ENTREP2: variants seen among roughly 807,000 people sequenced by gnomAD.
ENTREP2 encodes endosomal transmembrane epsin interactor 2, also known as protein ENTREP2.
At chr15:29,550,932 A>G in the ENTREP2 span, among the ~76,000 whole-genome samples, 19 of 152,312 alleles carry the variant, frequency 1.2e-4, no homozygotes, top group Admixed American at 9.2e-4. Context: ...GCCCACAGTC[A>G]CACAGCAAAT....
At chr15:29,472,824 A>C in the ENTREP2 span, among the ~76,000 whole-genome samples, 15 of 152,362 alleles carry the variant, frequency 9.8e-5, no homozygotes, top group Admixed American at 3.3e-4. Flanking sequence ...TGTGATATAA[A>C]TACAAGAATC....
chr15:29,217,038 G>T, the ENTREP2 span, among the ~76,000 whole-genome samples: 450 of 152,286 alleles, frequency 3.0e-3, 2 homozygotes, highest in Admixed American at 0.011. Context: ...CAATTTTACA[G>T]AAGTAAAGTA....
At chr15:29,395,663 G>A in the ENTREP2 span, among the ~76,000 whole-genome samples, 1 of 151,536 alleles carries the variant, frequency 6.6e-6, no homozygotes, top group African/African-American at 2.4e-5. Flanking sequence ...GAGTAGTTGG[G>A]ACTACAGGTG....
At chr15:29,517,333 T>A in the ENTREP2 span, among the ~76,000 whole-genome samples, 1 of 152,110 alleles carries the variant, frequency 6.6e-6, no homozygotes, top group African/African-American at 2.4e-5. Flanking sequence ...CTATTACTTC[T>A]ATCTTAGACG....
chr15:29,618,877 G>A, the ENTREP2 span, among the ~76,000 whole-genome samples: 18 of 152,274 alleles, frequency 1.2e-4, no homozygotes, highest in African/African-American at 4.1e-4. Flanking sequence ...TGGTGAGAAA[G>A]CACAGAAGAC....
the ENTREP2 span, among the ~76,000 whole-genome samples, chr15:29,334,487 C>A: frequency 9.8e-4 from 149 of 152,206 alleles, no homozygotes; most frequent in African/African-American, 3.3e-3. Flanking sequence ...TTTCATAGTT[C>A]GAGGATTCTA....
chr15:29,191,862 C>T, the ENTREP2 span, among the ~76,000 whole-genome samples: 887 of 152,244 alleles, frequency 5.8e-3, 12 homozygotes, highest in African/African-American at 0.02. Context: ...TGCAGTGAGC[C>T]GTGATCACGC....
At chr15:29,163,308 G>C in the ENTREP2 span, among the ~76,000 whole-genome samples, 1,291 of 152,166 alleles carry the variant, frequency 8.5e-3, 10 homozygotes, top group Non-Finnish European at 0.014. Flanking sequence ...TCCAACCCAA[G>C]AAGAAATCCC....
chr15:29,209,460 C>A, the ENTREP2 span, among the ~76,000 whole-genome samples: 2 of 152,112 alleles, frequency 1.3e-5, no homozygotes, highest in East Asian at 3.9e-4. Flanking sequence ...CGGTATCACC[C>A]CACTGCACTC....
At chr15:29,601,736 A>G in the ENTREP2 span, among the ~76,000 whole-genome samples, 4 of 151,882 alleles carry the variant, frequency 2.6e-5, no homozygotes, top group African/African-American at 9.7e-5. Flanking sequence ...TGACCTTCTA[A>G]TTATCTGTTT....
the ENTREP2 span, among the ~76,000 whole-genome samples, chr15:29,413,391 G>A: frequency 6.6e-6 from 1 of 152,014 alleles, no homozygotes; most frequent in African/African-American, 2.4e-5. Context: ...CCATTTTTAT[G>A]TGTTTTTTCT....
the ENTREP2 span, among the ~76,000 whole-genome samples, chr15:29,217,758 G>C: frequency 6.6e-6 from 1 of 152,158 alleles, no homozygotes; most frequent in South Asian, 2.1e-4. Context: ...TTTTCAGGTA[G>C]ATCAGGGACT....
At chr15:29,238,891 A>C in the ENTREP2 span, among the ~76,000 whole-genome samples, 1 of 152,144 alleles carries the variant, frequency 6.6e-6, no homozygotes, top group Non-Finnish European at 1.5e-5. Context: ...ACCATGAGAA[A>C]CCACCCCATG....
chr15:29,644,426 T>TC, the ENTREP2 span, among the ~76,000 whole-genome samples: 1 of 152,178 alleles, frequency 6.6e-6, no homozygotes, highest in Admixed American at 6.6e-5. Context: ...AAATGATATC[T>TC]CAATAAAGCC....
At chr15:29,559,997 G>C in the ENTREP2 span, among the ~76,000 whole-genome samples, 2,143 of 152,308 alleles carry the variant, frequency 0.014, 42 homozygotes, top group African/African-American at 0.049. Context: ...AACTGAATAT[G>C]ACATTTCACA....
At chr15:29,329,313 C>G in the ENTREP2 span, among the ~76,000 whole-genome samples, 1 of 150,398 alleles carries the variant, frequency 6.6e-6, no homozygotes, top group African/African-American at 2.5e-5. Flanking sequence ...CAGTGAGCTG[C>G]GATCGCACCA....
the ENTREP2 span, among the ~76,000 whole-genome samples, chr15:29,125,416 T>C: frequency 1.3e-5 from 2 of 152,132 alleles, no homozygotes; most frequent in African/African-American, 4.8e-5. Context: ...AAACCTGGTA[T>C]TTCCACCAGG....
chr15:29,661,044 G>A, the ENTREP2 span, among the ~76,000 whole-genome samples: 1 of 145,848 alleles, frequency 6.9e-6, no homozygotes, highest in Non-Finnish European at 1.5e-5. Flanking sequence ...TTAAGAGTGT[G>A]GTTGTAATTA....
At chr15:29,369,210 C>T in the ENTREP2 span, among the ~76,000 whole-genome samples, 2 of 152,046 alleles carry the variant, frequency 1.3e-5, no homozygotes, top group African/African-American at 2.4e-5. Context: ...TGATGAAAGA[C>T]AACAATCTAC....
Sources: gnomAD v4.1 joint callset for allele counts (sites outside exome capture counted in the v4.1 genomes callset) on GRCh38, gnomAD v4.1.1 for gene constraint, MANE v1.5 for transcripts, NCBI Gene and HGNC (gene_info 2026-07-23, HGNC 2026-07-21) for gene names.